CUTC: variants seen among roughly 807,000 people sequenced by gnomAD.
CUTC encodes the protein cutC copper transporter.
A neutral mutation model predicts 36.2 loss-of-function variants in CUTC; 27 were observed. That is an observed-to-expected ratio of 0.75 (90% confidence interval 0.55 to 1.03). CUTC has a LOEUF of 1.03. Ranked by LOEUF, CUTC falls within the 50% of genes least tolerant of loss-of-function variation. The pLI is 0.00. For synonymous variants in CUTC, 114 were observed against 118.3 expected, an observed-to-expected ratio of 0.96 and a Z score of 0.24; for missense variants, 315 against 343.5, an observed-to-expected ratio of 0.92 and a Z score of 0.66.
At chr10:99,734,382 A>C (rs1254630394) in intron 1 of CUTC, among the ~76,000 whole-genome samples, 1 of 152,194 alleles carries the variant, frequency 6.6e-6, no homozygotes, top group Non-Finnish European at 1.5e-5. Context: ...TGATAGTCTT[A>C]AATAAGTAAG....
chr10:99,747,527 T>A, intron 6 of CUTC, 137 bp downstream of exon 6: 1 of 889,940 alleles, frequency 1.1e-6, no homozygotes, highest in Non-Finnish European at 1.7e-6. Context: ...GGCAATAATG[T>A]ATATAATTCT....
rs2037313707 is a variant in CUTC at position 99,738,354 on chromosome 10, C to T, written c.134-1356C>T. Among the ~76,000 whole-genome samples, 3 of 150,988 alleles carry T rather than the reference C, an allele frequency of 2.0e-5. No individual in the cohort carries two copies. The South Asian group carries it at 6.3e-4, about 32-fold the overall frequency. ...ATCATTTCTTAATATCGTCAAATAA[C>T]CCAGTTTTCAGATTTCTCCAGTTGA... On this transcript the variant is annotated intron_variant, in intron 2 of 8. Transcript: ENST00000370476.
In CUTC at chr10:99,740,767, C is replaced by G. The variant is rs544416017; in HGVS notation, c.193+998C>G. Among the ~76,000 whole-genome samples the G allele has an allele frequency of 1.4e-4, 21 of 152,270 alleles. No homozygotes were observed. In the South Asian group the frequency reaches 2.1e-3, roughly 15 times the overall value. On this transcript the variant is annotated intron_variant, in intron 3 of 8. Coordinates refer to ENST00000370476, the MANE Select transcript of CUTC (RefSeq NM_015960.3). Reference sequence around the variant, plus strand: ...TCCCAAAAGTCACTGATGAACTTCTCTATTTAAAAGAAAATCTCCTTTCTG... The same window carrying G: ...TCCCAAAAGTCACTGATGAACTTCTGTATTTAAAAGAAAATCTCCTTTCTG...
chr10:99,733,969 GTAGC>G (rs1376314001), intron 1 of CUTC, among the ~76,000 whole-genome samples: 2 of 152,086 alleles, frequency 1.3e-5, no homozygotes, highest in African/African-American at 4.8e-5. Context: ...AGCTGGTCTG[GTAGC>G]TACCAGGAAA....
intron 6 of CUTC, 137 bp from the exon 7 acceptor site, chr10:99,750,232 A>T: frequency 4.2e-6 from 2 of 479,220 alleles, no homozygotes. Flanking sequence ...AATAGAGAAG[A>T]TCTAGTAAAA....
chr10:99,738,524 C>A (rs1258951796), intron 2 of CUTC, among the ~76,000 whole-genome samples: 2 of 150,922 alleles, frequency 1.3e-5, no homozygotes, highest in African/African-American at 4.9e-5. Flanking sequence ...TTCTTTAATT[C>A]TTTGTTTACT....
rs370574406 is a variant in CUTC, at chr10:99,751,205, T to C, written c.601+809T>C. Among the ~76,000 whole-genome samples, 53 of 152,352 alleles carry C rather than the reference T, an allele frequency of 3.5e-4. 1 individual carries two copies. The highest frequency in any genetic ancestry group is 1.2e-3 in the African/African-American group (48 of 41,584). ...TTATTTATCTCTAAAAAGGGTGGGA[T>C]GTTACCATAATGACAATTCCATTAT... On this transcript the variant is annotated intron_variant, in intron 7 of 8. Coordinates refer to ENST00000370476, the MANE Select transcript of CUTC (RefSeq NM_015960.3).
chr10:99,738,023 G>A (rs1276108993), intron 2 of CUTC, among the ~76,000 whole-genome samples: 1 of 151,950 alleles, frequency 6.6e-6, no homozygotes, highest in African/African-American at 2.4e-5. Flanking sequence ...GTGCATGCCT[G>A]TAATCCCAGC....
chr10:99,732,270 C>T lies in CUTC; in HGVS notation c.-79C>T. 1 of 1,538,236 alleles carries T rather than the reference C, an allele frequency of 6.5e-7. No homozygotes were observed. Among genetic ancestry groups the T allele is most frequent in the Non-Finnish European group, 8.8e-7 (1 of 1,140,786 alleles). On this transcript the variant is annotated 5_prime_UTR_variant, in exon 1 of 9. The change creates a new upstream start codon in the 5' untranslated region. Coordinates refer to ENST00000370476, the MANE Select transcript of CUTC (RefSeq NM_015960.3). ...GCGCACGGGCGCGCGCAGCTGTTGACGCGCTTCTTAGCTGGTGCGCGCCGG... is the reference window on the plus strand; with the variant it reads ...GCGCACGGGCGCGCGCAGCTGTTGATGCGCTTCTTAGCTGGTGCGCGCCGG...
chr10:99,740,242 T>C (rs540963949), intron 3 of CUTC, among the ~76,000 whole-genome samples: 1 of 152,176 alleles, frequency 6.6e-6, no homozygotes, highest in African/African-American at 2.4e-5. Context: ...ATTTCTGGTG[T>C]TCTTTATTCC....
intron 2 of CUTC, 84 bp downstream of exon 2, chr10:99,736,401 C>T: frequency 1.0e-6 from 1 of 987,468 alleles, no homozygotes; most frequent in African/African-American, 1.6e-5. Flanking sequence ...CTCAGAAGCC[C>T]TTGTGATCTC....
intron 1 of CUTC, 100 bp downstream of exon 1, chr10:99,732,509 T>C: frequency 6.5e-7 from 1 of 1,528,092 alleles, no homozygotes; most frequent in Non-Finnish European, 8.8e-7. Context: ...AGTCGTTTCC[T>C]CAGCTCCTTC....
chr10:99,754,063 C>T (rs557562343), intron 7 of CUTC, among the ~76,000 whole-genome samples: 3 of 152,242 alleles, frequency 2.0e-5, no homozygotes, highest in African/African-American at 7.2e-5. Context: ...AAGCTGATAT[C>T]GTAACTAATA....
intron 8 of CUTC, among the ~76,000 whole-genome samples, 155 bp from the exon 9 acceptor site, chr10:99,755,470 A>G (rs920947017): frequency 2.6e-5 from 4 of 151,706 alleles, no homozygotes; most frequent in Non-Finnish European, 5.9e-5. Flanking sequence ...CAGCTGCTGG[A>G]TGTTTCAAGT....
intron 1 of CUTC, 24 bp from the exon 2 acceptor site, chr10:99,736,222 C>G (rs1431941843): frequency 6.2e-7 from 1 of 1,605,624 alleles, no homozygotes; most frequent in South Asian, 1.1e-5. Flanking sequence ...TTTATGAACT[C>G]TTACCATTCT....
chr10:99,754,404 A>T (rs41290510), intron 7 of CUTC, 125 bp from the exon 8 acceptor site: 25,448 of 692,528 alleles, frequency 0.037, 655 homozygotes, highest in Non-Finnish European at 0.05. Flanking sequence ...GTAGGGAGAG[A>T]CTAATTTTTG....
At chr10:99,744,208 A>T in intron 5 of CUTC, 136 bp downstream of exon 5, 1 of 646,944 alleles carries the variant, frequency 1.5e-6, no homozygotes, top group East Asian at 2.9e-5. Flanking sequence ...CCTAGGACTA[A>T]AAGTTATAAA....
intron 2 of CUTC, among the ~76,000 whole-genome samples, chr10:99,738,123 C>CA (rs2037311709): frequency 1.4e-5 from 2 of 143,036 alleles, no homozygotes; most frequent in African/African-American, 5.2e-5. Context: ...CCAGCCTGGG[C>CA]AATAAGAGCA....
intron 5 of CUTC, 114 bp from the exon 6 acceptor site, chr10:99,747,143 C>T (rs773962425): frequency 2.1e-5 from 25 of 1,176,532 alleles, no homozygotes; most frequent in Non-Finnish European, 2.6e-5. Flanking sequence ...AATAATTGGC[C>T]TTTGTAAGCC....
Sources: allele counts gnomAD v4.1 joint callset (sites outside exome capture counted in the v4.1 genomes callset), GRCh38; gene constraint gnomAD v4.1.1; transcripts MANE v1.5; gene names NCBI Gene and HGNC (gene_info 2026-07-23, HGNC 2026-07-21).